Variants in GRXCR2 observed in about 807,000 individuals in gnomAD.
The protein encoded by GRXCR2 is glutaredoxin domain-containing cysteine-rich protein 2.
GRXCR2 carries 23 observed loss-of-function variants against 24.8 expected under a neutral mutation model. That is an observed-to-expected ratio of 0.93 (90% CI 0.67 to 1.32). The LOEUF (loss-of-function observed/expected upper bound fraction) is 1.32, where lower values mean the gene tolerates loss of function less well. Among genes scored for constraint, GRXCR2 ranks in the 40% most tolerant of loss-of-function variants. The probability of loss-of-function intolerance (pLI) is 0.00; values close to 1 mark genes in which losing one functional copy is unlikely to be tolerated. For missense variants in GRXCR2, 315 were observed against 303.4 expected, an observed-to-expected ratio of 1.04 and a Z score of -0.28; for synonymous variants, 130 against 116.1, an observed-to-expected ratio of 1.12 and a Z score of -0.77.
intron 2 of GRXCR2, among the ~76,000 whole-genome samples, chr5:145,900,240 G>A (rs1336691730): frequency 2.6e-5 from 4 of 151,998 alleles, no homozygotes; most frequent in East Asian, 3.9e-4. Flanking sequence ...GAGTTCTTAC[G>A]AGATCTGGTT....
chr5:145,922,795 C>G (rs948080537), intron 2 of GRXCR2, among the ~76,000 whole-genome samples: 1 of 152,208 alleles, frequency 6.6e-6, no homozygotes. Context: ...GCCCAGAAGA[C>G]TGGTAACAAA....
At chr5:145,885,085 A>ATGTGTG (rs1316523646) in intron 2 of GRXCR2, among the ~76,000 whole-genome samples, 1 of 134,492 alleles carries the variant, frequency 7.4e-6, no homozygotes, top group African/African-American at 3.0e-5. Flanking sequence ...ATCATGCAGC[A>ATGTGTG]TGTGTGTGTG....
intron 2 of GRXCR2, among the ~76,000 whole-genome samples, chr5:145,878,648 C>T (rs1756654669): frequency 6.6e-6 from 1 of 152,076 alleles, no homozygotes; most frequent in Non-Finnish European, 1.5e-5. Context: ...GGAGAACTTC[C>T]CCAACCTAGC....
chr5:145,925,781 T>C (rs1287233334), intron 2 of GRXCR2, among the ~76,000 whole-genome samples: 1 of 152,172 alleles, frequency 6.6e-6, no homozygotes, highest in Non-Finnish European at 1.5e-5. Flanking sequence ...GTCTAATTGC[T>C]TTGACAGATG....
intron 2 of GRXCR2, among the ~76,000 whole-genome samples, chr5:145,924,359 A>G (rs1581357675): frequency 6.6e-6 from 1 of 152,158 alleles, no homozygotes; most frequent in Non-Finnish European, 1.5e-5. Context: ...TTTTATCGAA[A>G]TGTTTATGTC....
At chr5:145,927,150 C>T (rs6580393) in intron 2 of GRXCR2, among the ~76,000 whole-genome samples, 1 of 151,576 alleles carries the variant, frequency 6.6e-6, no homozygotes, top group African/African-American at 2.4e-5. Flanking sequence ...GGGTTTTCTA[C>T]ATATACAATC....
At chr5:145,881,131 G>T (rs1163575607) in intron 2 of GRXCR2, among the ~76,000 whole-genome samples, 3 of 152,194 alleles carry the variant, frequency 2.0e-5, no homozygotes, top group African/African-American at 7.2e-5. Context: ...AGCCAAGAAT[G>T]CCCTCTCTCA....
intron 2 of GRXCR2, among the ~76,000 whole-genome samples, chr5:145,890,268 T>G (rs1227925461): frequency 6.6e-6 from 1 of 152,116 alleles, no homozygotes; most frequent in Non-Finnish European, 1.5e-5. Context: ...TTTTGTATTT[T>G]TAGTAGAGAA....
At chr5:145,897,089 A>T (rs888277907) in intron 2 of GRXCR2, among the ~76,000 whole-genome samples, 13 of 136,072 alleles carry the variant, frequency 9.6e-5, no homozygotes, top group African/African-American at 3.3e-4. Flanking sequence ...AACAATGAGA[A>T]CACATGGACA....
At chr5:145,896,831 A>G (rs1051033910) in intron 2 of GRXCR2, among the ~76,000 whole-genome samples, 2 of 152,164 alleles carry the variant, frequency 1.3e-5, no homozygotes, top group Non-Finnish European at 2.9e-5. Context: ...AGACACATGC[A>G]CACGTATGTT....
intron 2 of GRXCR2, among the ~76,000 whole-genome samples, chr5:145,893,949 C>G (rs1756909313): frequency 6.6e-6 from 1 of 152,162 alleles, no homozygotes; most frequent in South Asian, 2.1e-4. Context: ...GACCACAGTG[C>G]AATCAAACTA....
chr5:145,926,004 C>G (rs1757389258), intron 2 of GRXCR2, among the ~76,000 whole-genome samples: 1 of 151,854 alleles, frequency 6.6e-6, no homozygotes, highest in South Asian at 2.1e-4. Flanking sequence ...ATTGTCTGAG[C>G]AAACTGTCAG....
chr5:145,922,568 T>C (rs62393676), intron 2 of GRXCR2, among the ~76,000 whole-genome samples: 33,228 of 152,136 alleles, frequency 0.22, 3,913 homozygotes, highest in Non-Finnish European at 0.26. Flanking sequence ...AACATCGTTG[T>C]TGAATGAATG....
chr5:145,924,148 C>A (rs1293487734), intron 2 of GRXCR2, among the ~76,000 whole-genome samples: 1 of 152,148 alleles, frequency 6.6e-6, no homozygotes, highest in African/African-American at 2.4e-5. Flanking sequence ...AGCAACCACA[C>A]TCCTGTACTC....
At position 145,866,497 on chromosome 5, in the gene GRXCR2, G is replaced by T. The variant is rs368569020; in HGVS notation, c.564+4C>A. ...GAGCAGGACAGTCAAGCTCCCCAAC[G>T]CACCTGTGTATACCGGTTTTGGGGT... On this transcript the variant is annotated splice_donor_region_variant and intron_variant, in intron 2 of 2. Coordinates refer to ENST00000377976, the MANE Select transcript of GRXCR2 (RefSeq NM_001080516.2). 1 of 1,608,042 alleles carries T rather than the reference G, an allele frequency of 6.2e-7. No individual in the cohort carries two copies. The highest frequency in any genetic ancestry group is 8.5e-7 in the Non-Finnish European group (1 of 1,174,682).
chr5:145,902,717 G>A (rs1757040654), intron 2 of GRXCR2, among the ~76,000 whole-genome samples: 2 of 152,164 alleles, frequency 1.3e-5, no homozygotes, highest in South Asian at 4.1e-4. Context: ...CAATTACACT[G>A]TGCATTACAA....
At chr5:145,874,186 C>CT (rs984024658), upstream of GRXCR2, among the ~76,000 whole-genome samples, 12 of 150,408 alleles carry the variant, frequency 8.0e-5, no homozygotes, top group Admixed American at 2.0e-4. Flanking sequence ...CGCTTGGATT[C>CT]TTTTTTTTTA....
rs1006188327 is a variant in GRXCR2, at chr5:145,907,460, C to T, written c.-70+28241G>A. ...AGGAGAATCGCTGGAACCCAGGAGG[C>T]GGAGGTTGCAGTGAGCTGAGATCGT... On this transcript the variant is annotated intron_variant, in intron 2 of 3. Transcript: ENST00000639411. Among the ~76,000 whole-genome samples the T allele has an allele frequency of 1.4e-4, 21 of 151,662 alleles. No individual in the cohort carries two copies. The East Asian group carries it at 3.7e-3, about 27-fold the overall frequency.
Position 145,859,829 on chromosome 5 carries a change from C to A in GRXCR2, c.651G>T (p.Ser217=), listed in dbSNP as rs759001784. ...ACTCCTTAAATCTGTTGGCCAGCAT[C>A]GAGAACTTGCTGCCGTGGCACAGAG... ...TCSLCHGSKF[S]MLANRFKESY... The change falls in exon 3 of 3, where the codon TCG becomes TCT. Residue 217 remains serine, a synonymous_variant. Coordinates refer to ENST00000377976, the MANE Select transcript of GRXCR2 (RefSeq NM_001080516.2). 5.0e-6 allele frequency: 8 copies of A among 1,613,632 alleles called. No homozygotes were observed. In the East Asian group the frequency reaches 1.8e-4, roughly 36 times the overall value.
Sources: allele counts gnomAD v4.1 joint callset (sites outside exome capture counted in the v4.1 genomes callset), GRCh38; gene constraint gnomAD v4.1.1; transcripts MANE v1.5; gene names NCBI Gene and HGNC (gene_info 2026-07-23, HGNC 2026-07-21).